Variants in CSMD1 observed in about 807,000 individuals in gnomAD.
CSMD1 encodes the protein CUB and Sushi multiple domains 1.
In CSMD1, 213 loss-of-function variants were observed where a neutral mutation model predicts 417.5. That is an observed-to-expected ratio of 0.51 (90% confidence interval 0.46 to 0.57). The LOEUF (loss-of-function observed/expected upper bound fraction) is 0.57, where lower values mean the gene tolerates loss of function less well. Among genes scored for constraint, CSMD1 ranks in the 20% least tolerant of loss-of-function variants. CSMD1 has a pLI of 0.00. For synonymous variants in CSMD1, 2,862 were observed against 1,736.8 expected (o/e 1.65, Z -16.11); for missense variants, 6,923 against 4,529.7 (o/e 1.53, Z -15.17).
intron 3 of CSMD1, among the ~76,000 whole-genome samples, chr8:4,086,902 C>T (rs1585284968): frequency 6.6e-6 from 1 of 152,340 alleles, no homozygotes; most frequent in East Asian, 1.9e-4. Flanking sequence ...TGGCAACAAT[C>T]AGGCAAGGGT....
intron 8 of CSMD1, among the ~76,000 whole-genome samples, chr8:3,613,737 A>ACACACACACACC (rs71203455): frequency 5.5e-5 from 8 of 144,370 alleles, no homozygotes; most frequent in East Asian, 2.1e-4. Flanking sequence ...ACACACACAC[A>ACACACACACACC]CCTCAAAAAA....
intron 8 of CSMD1, among the ~76,000 whole-genome samples, chr8:3,602,353 G>A (rs539495197): frequency 8.5e-5 from 13 of 152,146 alleles, no homozygotes; most frequent in East Asian, 5.8e-4. Context: ...ACAAATTTCC[G>A]GTGGAGGCAT....
At chr8:3,629,071 C>A (rs1357180689) in intron 7 of CSMD1, among the ~76,000 whole-genome samples, 1 of 152,070 alleles carries the variant, frequency 6.6e-6, no homozygotes, top group Non-Finnish European at 1.5e-5. Context: ...GTTATCGACA[C>A]AAGAGGAGTG....
intron 7 of CSMD1, among the ~76,000 whole-genome samples, chr8:3,622,716 G>C (rs1227227642): frequency 6.6e-6 from 1 of 152,130 alleles, no homozygotes; most frequent in East Asian, 1.9e-4. Context: ...TGTTTCGTGT[G>C]ATAAACAGTC....
At chr8:4,775,323 G>C (rs567331930) in intron 1 of CSMD1, among the ~76,000 whole-genome samples, 1 of 152,150 alleles carries the variant, frequency 6.6e-6, no homozygotes, top group Non-Finnish European at 1.5e-5. Context: ...GTGATATGTA[G>C]CAGTGAATAG....
At chr8:4,518,095 TC>T (rs1258450952) in intron 2 of CSMD1, among the ~76,000 whole-genome samples, 6 of 152,160 alleles carry the variant, frequency 3.9e-5, no homozygotes, top group African/African-American at 1.4e-4. Flanking sequence ...CATCCAAAAA[TC>T]TAGGGGGAAC....
chr8:3,644,835 T>C (rs566350562), intron 7 of CSMD1, among the ~76,000 whole-genome samples: 1 of 152,140 alleles, frequency 6.6e-6, no homozygotes, highest in African/African-American at 2.4e-5. Context: ...GGAACCCCGA[T>C]GTGGTAACCT....
At chr8:3,028,586 G>T (rs1331462264) in intron 51 of CSMD1, among the ~76,000 whole-genome samples, 1 of 152,132 alleles carries the variant, frequency 6.6e-6, no homozygotes, top group East Asian at 1.9e-4. Flanking sequence ...AGAGCTTGTG[G>T]TACGTGTTTC....
At chr8:4,303,422 G>GTTTTTTTTTTTTTTTT (rs71511194) in intron 3 of CSMD1, among the ~76,000 whole-genome samples, 3 of 85,250 alleles carry the variant, frequency 3.5e-5, no homozygotes, top group African/African-American at 1.4e-4. Context: ...GCAGGAAGCT[G>GTTTTTTTTTTTTTTTT]TTTTTTTTTT....
At chr8:3,492,315 C>T (rs1038843276) in intron 11 of CSMD1, among the ~76,000 whole-genome samples, 8 of 152,204 alleles carry the variant, frequency 5.3e-5, no homozygotes, top group African/African-American at 1.4e-4. Flanking sequence ...CCTCAGAAGC[C>T]GCCCATGGCT....
At chr8:4,010,774 G>A (rs987846707) in intron 4 of CSMD1, among the ~76,000 whole-genome samples, 1 of 152,026 alleles carries the variant, frequency 6.6e-6, no homozygotes, top group Non-Finnish European at 1.5e-5. Context: ...GCACTTCCTT[G>A]CATTTACCAT....
At chr8:4,668,728 G>C in intron 1 of CSMD1, among the ~76,000 whole-genome samples, 1 of 152,058 alleles carries the variant, frequency 6.6e-6, no homozygotes, top group East Asian at 1.9e-4. Flanking sequence ...AACATTACCA[G>C]TTTGCCTACA....
At chr8:4,857,426 C>G (rs1246524002) in intron 1 of CSMD1, among the ~76,000 whole-genome samples, 2 of 151,970 alleles carry the variant, frequency 1.3e-5, no homozygotes, top group African/African-American at 4.8e-5. Context: ...CAGAACAGAA[C>G]TGAAGGAAAT....
intron 12 of CSMD1, among the ~76,000 whole-genome samples, chr8:3,438,932 C>A (rs6558771): frequency 0.75 from 113,264 of 150,394 alleles, 42,751 homozygotes; most frequent in East Asian, 0.85. Flanking sequence ...TCTGGCCAAC[C>A]TGGTGAAACC....
intron 58 of CSMD1, among the ~76,000 whole-genome samples, chr8:2,966,230 T>G (rs910022448): frequency 1.3e-5 from 2 of 152,154 alleles, no homozygotes; most frequent in Non-Finnish European, 2.9e-5. Flanking sequence ...GCATGGGGTA[T>G]AATCAGAAAG....
chr8:3,340,725 G>A (rs1044135993), intron 23 of CSMD1, among the ~76,000 whole-genome samples: 13 of 152,122 alleles, frequency 8.5e-5, no homozygotes, highest in African/African-American at 2.4e-4. Flanking sequence ...ACAATTTAAT[G>A]TGAGGTTAAT....
chr8:4,108,847 A>G (rs1801705773), intron 3 of CSMD1, among the ~76,000 whole-genome samples: 1 of 152,224 alleles, frequency 6.6e-6, no homozygotes, highest in Non-Finnish European at 1.5e-5. Context: ...ATATGCATGC[A>G]CAACATCAGC....
At chr8:3,588,728 C>T (rs778015775) in intron 8 of CSMD1, among the ~76,000 whole-genome samples, 7 of 148,776 alleles carry the variant, frequency 4.7e-5, no homozygotes, top group Non-Finnish European at 1.0e-4. Flanking sequence ...AACAGACAAA[C>T]GAGATGACAT....
chr8:4,489,192 G>A (rs1181285058), intron 2 of CSMD1, among the ~76,000 whole-genome samples: 3 of 152,174 alleles, frequency 2.0e-5, no homozygotes, highest in African/African-American at 2.4e-5. Flanking sequence ...GATAACAGGC[G>A]TGACACACTG....
Sources: allele counts gnomAD v4.1 joint callset (sites outside exome capture counted in the v4.1 genomes callset), GRCh38; gene constraint gnomAD v4.1.1; transcripts MANE v1.5; gene names NCBI Gene and HGNC (gene_info 2026-07-23, HGNC 2026-07-21).